Variants in EIF4G3 observed in about 807,000 individuals in gnomAD.
EIF4G3 encodes eIF-4-gamma 3.
In EIF4G3, 34 loss-of-function variants were observed where a neutral mutation model predicts 186.4. The observed-to-expected ratio is 0.18, with a 90% CI of 0.14 to 0.24. EIF4G3 has a LOEUF of 0.24. Among genes scored for constraint, EIF4G3 ranks in the 10% least tolerant of loss-of-function variants. The pLI is 1.00. For synonymous variants in EIF4G3, 673 were observed against 679.5 expected (o/e 0.99, Z 0.15); for missense variants, 1,536 against 1,948.5 (o/e 0.79, Z 3.99).
chr1:21,100,424 G>A (rs1322986102), intron 2 of EIF4G3, among the ~76,000 whole-genome samples: 1 of 152,126 alleles, frequency 6.6e-6, no homozygotes, highest in East Asian at 1.9e-4. Flanking sequence ...ATTATTGCAT[G>A]TAATTTAAAA....
At chr1:20,808,272 T>C (rs1015608197) in intron 36 of EIF4G3, among the ~76,000 whole-genome samples, 5 of 152,124 alleles carry the variant, frequency 3.3e-5, no homozygotes, top group African/African-American at 9.7e-5. Flanking sequence ...TACGAGTAGT[T>C]TTTTACTTTC....
intron 14 of EIF4G3, among the ~76,000 whole-genome samples, chr1:20,913,800 A>ATTTTTTT (rs68098768): frequency 4.0e-5 from 3 of 75,654 alleles, no homozygotes; most frequent in African/African-American, 5.2e-5. Context: ...AATTATTAGA[A>ATTTTTTT]TTTTTTTTTT....
intron 3 of EIF4G3, among the ~76,000 whole-genome samples, chr1:21,088,536 T>TA (rs771141331): frequency 4.6e-5 from 7 of 152,092 alleles, no homozygotes; most frequent in Non-Finnish European, 1.0e-4. Flanking sequence ...GTAAAACTGA[T>TA]AAAATTTTTA....
chr1:20,810,852 C>T lies in EIF4G3; in HGVS notation c.4630G>A (p.Val1544Ile), dbSNP rs1292732760. 3.7e-6 allele frequency: 6 copies of T among 1,613,950 alleles called. No individual in the cohort carries two copies. Among genetic ancestry groups the T allele is most frequent in the East Asian group, 2.2e-5 (1 of 44,870 alleles). ...DSSTFRVDTA[V>I]IKQRVPILLK... is the part of the protein sequence containing the mutation. ...AAGATCGGCACTCTCTGCTTGATAA[C>T]AGCAGTGTCCACTCTGAAGGTAGAA... is the stretch of plus-strand genomic sequence containing the variant. The change falls in exon 36 of 37, where the codon GTT becomes ATT. Residue 1544 changes from valine (V) to isoleucine (I), a missense_variant. Val to Ile is a conservative substitution (Grantham distance 29). This residue lies in a region of EIF4G3 where 395 missense variants were observed against 498.9 expected (regional missense o/e 0.79). Transcript: ENST00000602326. This position sits in a 1 kb window ranked among gnomAD's most constrained non-coding sequence, Gnocchi z 4.1.
chr1:21,076,652 A>T (rs536079865), intron 3 of EIF4G3, among the ~76,000 whole-genome samples: 70 of 152,166 alleles, frequency 4.6e-4, no homozygotes, highest in Non-Finnish European at 7.2e-4. Context: ...TTTATAGCCA[A>T]TTCATTTTTT....
At chr1:20,922,081 T>A (rs1422498766) in intron 14 of EIF4G3, among the ~76,000 whole-genome samples, 2 of 152,248 alleles carry the variant, frequency 1.3e-5, no homozygotes, top group Non-Finnish European at 2.9e-5. Context: ...AAAGTTCTCT[T>A]AGGCCTATAT....
intron 20 of EIF4G3, among the ~76,000 whole-genome samples, chr1:20,878,058 A>C (rs1572084307): frequency 6.6e-6 from 1 of 152,022 alleles, no homozygotes; most frequent in Non-Finnish European, 1.5e-5. Context: ...GTAGAGACGA[A>C]GTTTCCCCAT....
chr1:20,990,173 C>A (rs1431435118), intron 7 of EIF4G3, among the ~76,000 whole-genome samples: 2 of 151,948 alleles, frequency 1.3e-5, no homozygotes, highest in African/African-American at 4.8e-5. Context: ...GACTCCATCT[C>A]AAAAACAAAC....
intron 29 of EIF4G3, among the ~76,000 whole-genome samples, chr1:20,844,724 C>T (rs569828589): frequency 4.6e-5 from 7 of 151,822 alleles, no homozygotes; most frequent in African/African-American, 1.2e-4. Context: ...CCCAGCTACT[C>T]GGGAGGCTGA....
intron 2 of EIF4G3, among the ~76,000 whole-genome samples, chr1:21,124,277 C>T (rs1309684762): frequency 7.1e-6 from 1 of 140,542 alleles, no homozygotes; most frequent in African/African-American, 2.6e-5. Flanking sequence ...AAGAGCGAGA[C>T]TCGGTCTCAA....
chr1:20,833,823 T>C (rs1443641094), intron 30 of EIF4G3, among the ~76,000 whole-genome samples: 2 of 152,204 alleles, frequency 1.3e-5, no homozygotes, highest in South Asian at 4.1e-4. Flanking sequence ...GAGCTATCTA[T>C]GACAAACCCA....
chr1:21,173,332 A>G (rs1002332898), intron 2 of EIF4G3, among the ~76,000 whole-genome samples: 1 of 151,494 alleles, frequency 6.6e-6, no homozygotes, highest in Non-Finnish European at 1.5e-5. Flanking sequence ...GAGTAGCTGA[A>G]ATTACAGGCA....
At position 20,930,011 on chromosome 1, in the gene EIF4G3, T is replaced by C. The variant is rs1380135173; in HGVS notation, c.1663+11480A>G. ...CACAAATTTTTGGTTTCCCAGTGCG[T>C]ATAAAAGTTATGTTTCTACTAAACT... On this transcript the variant is annotated intron_variant, in intron 14 of 36. Coordinates refer to ENST00000602326, the MANE Select transcript of EIF4G3 (RefSeq NM_001391906.1). Among the ~76,000 whole-genome samples the C allele has an allele frequency of 3.3e-5, 5 of 152,250 alleles. No individual in the cohort carries two copies. In the East Asian group the frequency reaches 9.6e-4, roughly 29 times the overall value.
At chr1:20,950,612 T>C (rs1287056693) in intron 12 of EIF4G3, among the ~76,000 whole-genome samples, 3 of 152,210 alleles carry the variant, frequency 2.0e-5, no homozygotes, top group Non-Finnish European at 4.4e-5. Flanking sequence ...TACTTATCCA[T>C]GTAATCATAC....
At chr1:21,114,244 T>C (rs1002132552) in intron 2 of EIF4G3, among the ~76,000 whole-genome samples, 9 of 151,980 alleles carry the variant, frequency 5.9e-5, no homozygotes, top group Non-Finnish European at 1.2e-4. Flanking sequence ...CCTCCCGGGT[T>C]CAAGCCATTC....
In EIF4G3 at chr1:20,807,004, T is replaced by G. The variant is rs2058203819; in HGVS notation, c.*315A>C. 7.4e-6 allele frequency: 1 copy of G among 134,822 alleles called. No homozygotes were observed. Among genetic ancestry groups the G allele is most frequent in the African/African-American group, 2.7e-5 (1 of 37,280 alleles). 8.4% of individuals were successfully genotyped at this position (134,822 alleles called of 1,614,324 possible). A position where few individuals can be genotyped will look rare whatever the true frequency, so the allele number is the denominator to read the frequency against. On this transcript the variant is annotated 3_prime_UTR_variant, in exon 37 of 37. Transcript: ENST00000602326. ...TTAAAATAAATTAAAAGTTCTCAAC[T>G]TTTTTTTTTTTTGCTAAACATTTTT...
chr1:20,822,917 A>T (rs2154546430), intron 33 of EIF4G3, among the ~76,000 whole-genome samples: 1 of 152,294 alleles, frequency 6.6e-6, no homozygotes, highest in Non-Finnish European at 1.5e-5. Context: ...CCTAATTCTT[A>T]AAGGTTAGTT....
intron 33 of EIF4G3, among the ~76,000 whole-genome samples, chr1:20,818,042 C>T (rs1265663985): frequency 6.6e-6 from 1 of 152,048 alleles, no homozygotes; most frequent in East Asian, 1.9e-4. Context: ...ACTTCTCATA[C>T]CGTGTATCTT....
At position 20,892,242 on chromosome 1, in the gene EIF4G3, CAA is replaced by C. The variant is rs1558105538; in HGVS notation, c.2253+1273_2253+1274del. Among the ~76,000 whole-genome samples, 36 of 152,334 alleles carry C rather than the reference CAA, an allele frequency of 2.4e-4. No homozygotes were observed. The East Asian group carries it at 6.9e-3, about 29-fold the overall frequency. ...AACACGGTTATCTGCAAATGTACAT[CAA>C]ACCCCAAGCTCCTCCAAAATGTTAG... On this transcript the variant is annotated intron_variant, in intron 18 of 36. Coordinates refer to ENST00000602326, the MANE Select transcript of EIF4G3 (RefSeq NM_001391906.1).
Sources: allele counts gnomAD v4.1 joint callset (sites outside exome capture counted in the v4.1 genomes callset), GRCh38; gene constraint gnomAD v4.1.1; regional missense constraint gnomAD v4.1.1; non-coding constraint Gnocchi (gnomAD v3.1); transcripts MANE v1.5; gene names NCBI Gene and HGNC (gene_info 2026-07-23, HGNC 2026-07-21).